KIF26B: variants seen among roughly 807,000 people sequenced by gnomAD.
The protein encoded by KIF26B is kinesin family member 26B.
A neutral mutation model predicts 151.2 loss-of-function variants in KIF26B; 63 were observed. That is an observed-to-expected ratio of 0.42 (90% CI 0.34 to 0.51). The LOEUF (loss-of-function observed/expected upper bound fraction) is 0.51, where lower values mean the gene tolerates loss of function less well. Among genes scored for constraint, KIF26B ranks in the 20% least tolerant of loss-of-function variants. The pLI, the probability that KIF26B is intolerant of heterozygous loss-of-function variation, is 0.07. For missense variants in KIF26B, 2,813 were observed against 2,913.6 expected (o/e 0.97, Z 0.79); for synonymous variants, 1,357 against 1,262.1 (o/e 1.08, Z -1.59).
chr1:245,188,829 G>T (rs1669046166), intron 2 of KIF26B, among the ~76,000 whole-genome samples: 1 of 152,220 alleles, frequency 6.6e-6, no homozygotes, highest in Non-Finnish European at 1.5e-5. Flanking sequence ...ATCATGGATG[G>T]ATGAGCAAAA....
At chr1:245,237,800 T>C (rs1309931085) in intron 2 of KIF26B, among the ~76,000 whole-genome samples, 1 of 151,890 alleles carries the variant, frequency 6.6e-6, no homozygotes, top group Non-Finnish European at 1.5e-5. Flanking sequence ...GGCGTGAAGG[T>C]TGCTTGAGCT....
At chr1:245,666,025 G>A (rs1229515248) in intron 10 of KIF26B, among the ~76,000 whole-genome samples, 2 of 127,460 alleles carry the variant, frequency 1.6e-5, no homozygotes, top group African/African-American at 3.0e-5. Flanking sequence ...TTTTTGAGAC[G>A]GAGTCTCTCT....
In KIF26B at chr1:245,674,748, A is replaced by G. The variant is rs569480977; in HGVS notation, c.2259-9485A>G. ...TTGTACATATTGGCTGAGTTACTGC[A>G]AAGAAAGGGCAAAATGAAAACACAG... is the stretch of plus-strand genomic sequence containing the variant. On this transcript the variant is annotated intron_variant, in intron 10 of 14. Coordinates refer to ENST00000407071, the MANE Select transcript of KIF26B (RefSeq NM_018012.4). Among the ~76,000 whole-genome samples the G allele has an allele frequency of 6.3e-4, 96 of 152,334 alleles. No individual in the cohort carries two copies. In the South Asian group the frequency reaches 0.016, roughly 25 times the overall value.
intron 12 of KIF26B, among the ~76,000 whole-genome samples, chr1:245,696,624 A>C (rs2044697387): frequency 6.6e-6 from 1 of 152,190 alleles, no homozygotes; most frequent in Admixed American, 6.5e-5. Context: ...TAGCTTGATC[A>C]GACTGATTTA....
At chr1:245,653,112 C>T (rs115237192) in intron 10 of KIF26B, among the ~76,000 whole-genome samples, 3,685 of 152,298 alleles carry the variant, frequency 0.024, 136 homozygotes, top group African/African-American at 0.072. Flanking sequence ...CCCAACCCCA[C>T]GGCCTCAGTG....
intron 2 of KIF26B, among the ~76,000 whole-genome samples, chr1:245,271,351 T>C (rs913283836): frequency 6.6e-6 from 1 of 152,218 alleles, no homozygotes; most frequent in African/African-American, 2.4e-5. Flanking sequence ...TCAGGTACTA[T>C]GGACATTTTA....
chr1:245,566,504 A>G (rs978101674), intron 5 of KIF26B, among the ~76,000 whole-genome samples: 1 of 152,266 alleles, frequency 6.6e-6, no homozygotes, highest in Non-Finnish European at 1.5e-5. Context: ...ACAAATGCCA[A>G]ACAAATACAG....
In KIF26B at chr1:245,685,787, G is replaced by T. The variant is rs144620987; in HGVS notation, c.2804G>T (p.Cys935Phe). The T allele has an allele frequency of 7.1e-5, 114 of 1,610,096 alleles. 2 individuals carry two copies. The East Asian group carries it at 2.5e-3, about 36-fold the overall frequency. Residue 935 changes from cysteine to phenylalanine, a missense_variant, in exon 12 of 15, where the codon TGC becomes TTC. Around this residue, in one of 3 missense-constraint regions of KIF26B, gnomAD observed 2,060 missense variants for 2,088.6 expected, o/e 0.99. Coordinates refer to ENST00000407071, the MANE Select transcript of KIF26B (RefSeq NM_018012.4). ...TFAELQERLDCIDGSEEPSSF... is the reference protein window; with the variant it reads ...TFAELQERLDFIDGSEEPSSF... ...GCCGAGCTGCAGGAGAGGCTGGACT[G>T]CATCGACGGCAGCGAGGAGCCCAGC...
At chr1:245,556,007 TCTC>T (rs72038260) in intron 5 of KIF26B, among the ~76,000 whole-genome samples, 44,509 of 151,734 alleles carry the variant, frequency 0.29, 7,543 homozygotes, top group Non-Finnish European at 0.38. Flanking sequence ...ATCGGAGACT[TCTC>T]CTTAGCAGGC....
intron 4 of KIF26B, among the ~76,000 whole-genome samples, chr1:245,536,750 G>T (rs566835197): frequency 3.9e-5 from 6 of 152,278 alleles, no homozygotes; most frequent in Admixed American, 3.9e-4. Flanking sequence ...TCCTCTAAAG[G>T]CTCATTCCTT....
At chr1:245,519,273 G>T (rs1661035253) in intron 4 of KIF26B, among the ~76,000 whole-genome samples, 1 of 152,126 alleles carries the variant, frequency 6.6e-6, no homozygotes, top group South Asian at 2.1e-4. Flanking sequence ...GTACAGTGAG[G>T]CCAGGCACAG....
chr1:245,456,054 C>A (rs1281607924), intron 4 of KIF26B, among the ~76,000 whole-genome samples: 1 of 152,002 alleles, frequency 6.6e-6, no homozygotes, highest in Non-Finnish European at 1.5e-5. Flanking sequence ...CAGGGATAAC[C>A]ATTAGTGGCT....
intron 4 of KIF26B, among the ~76,000 whole-genome samples, chr1:245,464,898 G>A (rs566728921): frequency 2.0e-5 from 3 of 152,226 alleles, no homozygotes; most frequent in African/African-American, 7.2e-5. Flanking sequence ...CCAGAGGCCG[G>A]GGTTCGAATG....
chr1:245,485,132 T>C (rs1660252694), intron 4 of KIF26B, among the ~76,000 whole-genome samples: 2 of 152,088 alleles, frequency 1.3e-5, no homozygotes, highest in African/African-American at 4.8e-5. Context: ...GCCAATAATA[T>C]ATAAATCCAC....
rs192413668 is a variant in KIF26B, at chr1:245,474,656, G to A, written c.1166+54911G>A. ...TTGAACTCCTGACTTCAGGTGATCCGCCTGCCTTGGCCTCCCAAAGTGCTG... is the reference window on the plus strand; with the variant it reads ...TTGAACTCCTGACTTCAGGTGATCCACCTGCCTTGGCCTCCCAAAGTGCTG... On this transcript the variant is annotated intron_variant, in intron 4 of 14. Transcript: ENST00000407071. 5.2e-3 allele frequency among the ~76,000 whole-genome samples: 785 copies of A among 150,018 alleles called. 22 individuals are homozygous for A. Among genetic ancestry groups the A allele is most frequent in the Admixed American group, 0.042 (642 of 15,130 alleles).
At chr1:245,240,118 C>T (rs944767458) in intron 2 of KIF26B, among the ~76,000 whole-genome samples, 4 of 151,938 alleles carry the variant, frequency 2.6e-5, no homozygotes, top group Non-Finnish European at 5.9e-5. Context: ...TGCAGTCAGC[C>T]GAGATCGTGC....
In KIF26B at chr1:245,169,328, G is replaced by GGTGTGTGGGGGT. The variant is rs56332945; in HGVS notation, c.465+12652_465+12653insGGGGTGTGTGTG. 7.0e-3 allele frequency among the ~76,000 whole-genome samples: 933 copies of GGTGTGTGGGGGT among 134,170 alleles called. 8 individuals are homozygous for GGTGTGTGGGGGT. Among genetic ancestry groups the GGTGTGTGGGGGT allele is most frequent in the East Asian group, 8.2e-3 (33 of 4,030 alleles). 88.0% of individuals were successfully genotyped at this position (134,170 alleles called of 152,430 possible). ...TGCACTCGACTTTCTAACGGGCCAT[G>GGTGTGTGGGGGT]GTGTGTGTGTGTGTGTGTGTGTGTG... On this transcript the variant is annotated intron_variant, in intron 2 of 14. Transcript: ENST00000407071.
chr1:245,473,696 T>C (rs1203146777), intron 4 of KIF26B, among the ~76,000 whole-genome samples: 3 of 151,956 alleles, frequency 2.0e-5, no homozygotes, highest in East Asian at 1.9e-4. Context: ...AATACTTTCA[T>C]AGGTTTTACA....
intron 4 of KIF26B, among the ~76,000 whole-genome samples, chr1:245,472,553 C>G (rs1409481729): frequency 6.6e-6 from 1 of 152,188 alleles, no homozygotes; most frequent in Non-Finnish European, 1.5e-5. Context: ...CATGCTGGTG[C>G]TTAAAAAGTT....
Sources: gnomAD v4.1 joint callset for allele counts (sites outside exome capture counted in the v4.1 genomes callset) on GRCh38, gnomAD v4.1.1 for gene constraint, gnomAD v4.1.1 regional missense constraint, MANE v1.5 for transcripts, NCBI Gene and HGNC (gene_info 2026-07-23, HGNC 2026-07-21) for gene names.